Variants in RP1 observed in about 807,000 individuals in gnomAD.
RP1 encodes RP1 axonemal microtubule associated.
A neutral mutation model predicts 14.8 loss-of-function variants in RP1; 16 were observed. That is an observed-to-expected ratio of 1.08 (90% CI 0.73 to 1.65). The LOEUF (loss-of-function observed/expected upper bound fraction) is 1.65, where lower values mean the gene tolerates loss of function less well. RP1 is among the 40% of genes most tolerant of loss of function. The pLI is 0.00. For missense variants in RP1, 2,631 were observed against 2,535.0 expected (o/e 1.04, Z -0.81); for synonymous variants, 876 against 883.6 (o/e 0.99, Z 0.15).
intron 19 of RP1, among the ~76,000 whole-genome samples, chr8:54,744,547 C>A (rs556670334): frequency 2.8e-4 from 42 of 152,328 alleles, no homozygotes; most frequent in Non-Finnish European, 5.3e-4. Context: ...AGCCGTTTGA[C>A]CTTGTTTAGG....
At chr8:54,687,794 A>T (rs183078025) in intron 12 of RP1, among the ~76,000 whole-genome samples, 7 of 152,348 alleles carry the variant, frequency 4.6e-5, no homozygotes, top group Admixed American at 4.6e-4. Flanking sequence ...TCTTTATAGC[A>T]GAATGACTTA....
rs765375629 is a variant in RP1 at position 54,629,660 on chromosome 8, A to G, written c.5778A>G (p.Gln1926=). The change falls in exon 4 of 4, where the codon CAA becomes CAG. Residue 1926 remains glutamine (Q), a synonymous_variant. Coordinates refer to ENST00000220676, the MANE Select transcript of RP1 (RefSeq NM_006269.2). ...QHCPILTVII[Q]PMNEEDRGFA... ...GCCCAATACTAACTGTTATTATCCA[A>G]CCCATGAATGAGGAAGACCGAGGAT... 6.2e-7 allele frequency: 1 copy of G among 1,613,876 alleles called. No homozygotes were observed. The highest frequency in any genetic ancestry group is 8.5e-7 in the Non-Finnish European group (1 of 1,179,980).
chr8:54,845,458 G>A (rs1404904172), intron 25 of RP1, among the ~76,000 whole-genome samples: 1 of 152,164 alleles, frequency 6.6e-6, no homozygotes, highest in African/African-American at 2.4e-5. Flanking sequence ...TAGGAACACG[G>A]GAGTTAGGAG....
intron 7 of RP1, chr8:54,663,857 A>G (rs1563341321): frequency 6.6e-7 from 1 of 1,514,002 alleles, no homozygotes; most frequent in Non-Finnish European, 8.8e-7. Context: ...ACAAGTAAGC[A>G]AAATGCCCTT....
intron 1 of RP1, among the ~76,000 whole-genome samples, chr8:54,567,424 C>A (rs868634493): frequency 6.6e-6 from 1 of 152,126 alleles, no homozygotes; most frequent in African/African-American, 2.4e-5. Flanking sequence ...ATCAAAGTCA[C>A]AGGAATTTCA....
Position 54,629,179 on chromosome 8 carries a change from A to C in RP1, c.5297A>C (p.Asn1766Thr). The change falls in exon 4 of 4, where the codon AAT becomes ACT. Residue 1766 changes from asparagine (N) to threonine (T), a missense_variant. Asn to Thr is a moderately conservative substitution (Grantham distance 65). Transcript: ENST00000220676. ...TCTGAAAATCCTGGCATGTGTGGCA[A>C]TGCAGACACCACATCAGTGGACACC... The part of the protein sequence containing the change: ...MSSENPGMCG[N>T]ADTTSVDTLL... 1 of 1,614,162 alleles carries C rather than the reference A, an allele frequency of 6.2e-7. No homozygotes were observed. Among genetic ancestry groups the C allele is most frequent in the Non-Finnish European group, 8.5e-7 (1 of 1,179,980 alleles).
chr8:54,632,834 T>C (rs1397977334), downstream of RP1, among the ~76,000 whole-genome samples: 2 of 152,188 alleles, frequency 1.3e-5, no homozygotes, highest in African/African-American at 4.8e-5. Flanking sequence ...AGTGAAACTT[T>C]AGAGGAAATT....
chr8:54,578,091 C>T (rs559162454), intron 1 of RP1, among the ~76,000 whole-genome samples: 1 of 152,228 alleles, frequency 6.6e-6, no homozygotes, highest in Non-Finnish European at 1.5e-5. Flanking sequence ...AATGCTATCC[C>T]TCCCTCCTCC....
intron 24 of RP1, among the ~76,000 whole-genome samples, chr8:54,791,232 A>C (rs987998402): frequency 6.6e-6 from 1 of 152,128 alleles, no homozygotes; most frequent in Non-Finnish European, 1.5e-5. Flanking sequence ...GCCAACCAAG[A>C]ATACTGTACC....
At chr8:54,660,594 C>A (rs1806865503) in intron 6 of RP1, among the ~76,000 whole-genome samples, 1 of 151,970 alleles carries the variant, frequency 6.6e-6, no homozygotes, top group South Asian at 2.1e-4. Context: ...CATGAATTTT[C>A]CTACTGACTT....
chr8:54,590,283 T>C (rs1046377099), intron 1 of RP1, among the ~76,000 whole-genome samples: 4 of 152,114 alleles, frequency 2.6e-5, no homozygotes, highest in Admixed American at 6.6e-5. Flanking sequence ...ACTCCTCTGC[T>C]CCCCTTCACA....
intron 16 of RP1, among the ~76,000 whole-genome samples, chr8:54,720,467 C>A (rs1808508625): frequency 6.6e-6 from 1 of 152,112 alleles, no homozygotes; most frequent in Non-Finnish European, 1.5e-5. Flanking sequence ...TAATGAAGAC[C>A]AGTTGCCTCA....
At chr8:54,804,146 G>GA (rs1367415866) in intron 24 of RP1, among the ~76,000 whole-genome samples, 1 of 151,390 alleles carries the variant, frequency 6.6e-6, no homozygotes, top group African/African-American at 2.4e-5. Flanking sequence ...ACATATGTGG[G>GA]GGGGGGCTAG....
intron 24 of RP1, among the ~76,000 whole-genome samples, chr8:54,835,476 T>C (rs17321695): frequency 0.31 from 46,544 of 152,132 alleles, 7,335 homozygotes; most frequent in South Asian, 0.37. Flanking sequence ...TTTAATTTCA[T>C]TTATGATGGC....
chr8:54,633,565 T>C (rs1385432579), downstream of RP1, among the ~76,000 whole-genome samples: 2 of 152,066 alleles, frequency 1.3e-5, no homozygotes, highest in African/African-American at 4.8e-5. Flanking sequence ...AAAATACTTG[T>C]AAAACTCTTA....
intron 3 of RP1, among the ~76,000 whole-genome samples, chr8:54,642,994 T>A (rs1279778375): frequency 6.6e-6 from 1 of 152,082 alleles, no homozygotes. Flanking sequence ...TCACTTGTGT[T>A]CTCTTTTTTT....
At chr8:54,817,079 G>A (rs541108179) in intron 24 of RP1, among the ~76,000 whole-genome samples, 1 of 152,120 alleles carries the variant, frequency 6.6e-6, no homozygotes, top group African/African-American at 2.4e-5. Flanking sequence ...CTCTTCAGAG[G>A]ACTGAGCATG....
intron 1 of RP1, among the ~76,000 whole-genome samples, chr8:54,568,478 G>T (rs1010075060): frequency 3.3e-5 from 5 of 152,186 alleles, no homozygotes; most frequent in African/African-American, 1.2e-4. Flanking sequence ...GAGATATGTT[G>T]TTGAAGATAT....
chr8:54,817,112 T>C (rs902268502), intron 24 of RP1, among the ~76,000 whole-genome samples: 2 of 152,140 alleles, frequency 1.3e-5, no homozygotes, highest in African/African-American at 2.4e-5. Context: ...TTCTCATTTG[T>C]GTTCATTGTC....
Sources: allele counts gnomAD v4.1 joint callset (sites outside exome capture counted in the v4.1 genomes callset), GRCh38; gene constraint gnomAD v4.1.1; transcripts MANE v1.5; gene names NCBI Gene and HGNC (gene_info 2026-07-23, HGNC 2026-07-21).